The following C7orf78 variants were observed in gnomAD, a reference collection of about 807,000 sequenced individuals.
The protein encoded by C7orf78 is chromosome 7 open reading frame 78, also known as putative uncharacterized protein C7orf78.
chr7:12,498,076 C>G, the C7orf78 span, among the ~76,000 whole-genome samples: 1 of 151,788 alleles, frequency 6.6e-6, no homozygotes, highest in Non-Finnish European at 1.5e-5. Flanking sequence ...CACCAAAAAC[C>G]CATCTGTACA....
the C7orf78 span, among the ~76,000 whole-genome samples, chr7:12,511,918 A>ATTTTTTTTTTTT: frequency 1.1e-4 from 9 of 80,564 alleles, no homozygotes; most frequent in African/African-American, 1.8e-4. Context: ...CACCTGGCTA[A>ATTTTTTTTTTTT]TTTTTTTTTT....
chr7:12,490,770 T>C, the C7orf78 span, among the ~76,000 whole-genome samples: 1 of 147,786 alleles, frequency 6.8e-6, no homozygotes, highest in Non-Finnish European at 1.5e-5. Flanking sequence ...TGCAATCAGA[T>C]TTTTTTTTTT....
the C7orf78 span, chr7:12,486,876 A>G: frequency 6.6e-6 from 1 of 151,076 alleles, no homozygotes; most frequent in Non-Finnish European, 1.5e-5. Flanking sequence ...TACAGCAAAT[A>G]AACTGATAAA....
the C7orf78 span, among the ~76,000 whole-genome samples, chr7:12,520,142 C>G: frequency 6.6e-6 from 1 of 152,226 alleles, no homozygotes; most frequent in African/African-American, 2.4e-5. Context: ...TATGGGCTCA[C>G]AGCCAATCTT....
chr7:12,501,335 T>A, the C7orf78 span, among the ~76,000 whole-genome samples: 2 of 146,142 alleles, frequency 1.4e-5, no homozygotes, highest in Non-Finnish European at 3.0e-5. Context: ...GAAAACCCCA[T>A]TGTCTCAGCC....
the C7orf78 span, among the ~76,000 whole-genome samples, chr7:12,532,899 T>G: frequency 8.5e-5 from 13 of 152,094 alleles, no homozygotes; most frequent in Non-Finnish European, 4.4e-5. Context: ...CAGATGAATA[T>G]AAAAAGAGTA....
At chr7:12,510,974 C>T in the C7orf78 span, among the ~76,000 whole-genome samples, 3 of 152,090 alleles carry the variant, frequency 2.0e-5, no homozygotes, top group African/African-American at 7.2e-5. Context: ...AACCAATGTC[C>T]TGAGGAGCTT....
At chr7:12,512,573 G>T in the C7orf78 span, among the ~76,000 whole-genome samples, 1 of 152,130 alleles carries the variant, frequency 6.6e-6, no homozygotes, top group Non-Finnish European at 1.5e-5. Context: ...TTGATGTGCA[G>T]TTGGATTTGA....
chr7:12,521,201 C>T, the C7orf78 span, among the ~76,000 whole-genome samples: 2 of 152,020 alleles, frequency 1.3e-5, no homozygotes, highest in Admixed American at 6.6e-5. Flanking sequence ...GGGAAATTAA[C>T]TTGTTTACCC....
the C7orf78 span, among the ~76,000 whole-genome samples, chr7:12,497,093 G>C: frequency 1.1e-4 from 16 of 152,194 alleles, no homozygotes; most frequent in Non-Finnish European, 1.8e-4. Context: ...TATTCCGTTA[G>C]AAAAATATTA....
the C7orf78 span, among the ~76,000 whole-genome samples, chr7:12,495,628 T>C: frequency 1.3e-5 from 2 of 152,186 alleles, no homozygotes; most frequent in Non-Finnish European, 2.9e-5. Context: ...TTACTTATTT[T>C]TTCCAAGTAA....
chr7:12,488,895 G>T, the C7orf78 span, among the ~76,000 whole-genome samples: 1 of 145,324 alleles, frequency 6.9e-6, no homozygotes, highest in Non-Finnish European at 1.5e-5. Flanking sequence ...ATCAATATGT[G>T]TGGAGGGGGT....
chr7:12,491,963 C>T, the C7orf78 span: 2 of 152,184 alleles, frequency 1.3e-5, no homozygotes, highest in East Asian at 3.9e-4. Flanking sequence ...TAAGTTCCAA[C>T]AATCATTTAG....
At chr7:12,522,581 A>G in the C7orf78 span, among the ~76,000 whole-genome samples, 5 of 152,228 alleles carry the variant, frequency 3.3e-5, no homozygotes, top group East Asian at 9.6e-4. Flanking sequence ...CGATCCAAAT[A>G]ACAGCTTTTG....
chr7:12,518,812 A>G, the C7orf78 span, among the ~76,000 whole-genome samples: 1 of 152,008 alleles, frequency 6.6e-6, no homozygotes, highest in African/African-American at 2.4e-5. Context: ...TAGGGCTTGT[A>G]CTAGAAAGCA....
the C7orf78 span, among the ~76,000 whole-genome samples, chr7:12,532,775 A>G: frequency 6.6e-6 from 1 of 152,148 alleles, no homozygotes; most frequent in Non-Finnish European, 1.5e-5. Flanking sequence ...TATAATGTCT[A>G]GAGCTTTCTG....
At chr7:12,541,842 C>T in the C7orf78 span, 13 of 152,204 alleles carry the variant, frequency 8.5e-5, no homozygotes, top group East Asian at 2.1e-3. Flanking sequence ...TTCTCTGAGA[C>T]ACTCAAGTAT....
At chr7:12,510,038 GAA>G in the C7orf78 span, among the ~76,000 whole-genome samples, 2,954 of 137,790 alleles carry the variant, frequency 0.021, 87 homozygotes, top group African/African-American at 0.07. Flanking sequence ...CCATCTCAAG[GAA>G]AAAAAAAAAA....
chr7:12,497,522 C>T, the C7orf78 span, among the ~76,000 whole-genome samples: 2 of 152,214 alleles, frequency 1.3e-5, no homozygotes, highest in African/African-American at 4.8e-5. Context: ...CTGCGCTTTT[C>T]CCACGGGCTT....
Sources: allele counts gnomAD v4.1 joint callset (sites outside exome capture counted in the v4.1 genomes callset), GRCh38; gene constraint gnomAD v4.1.1; transcripts MANE v1.5; gene names NCBI Gene and HGNC (gene_info 2026-07-23, HGNC 2026-07-21).